TET1: variants seen among roughly 807,000 people sequenced by gnomAD.
TET1 encodes methylcytosine dioxygenase TET1.
Under a neutral mutation model 148.7 loss-of-function variants are expected in TET1, and 13 were observed. The ratio of observed to expected loss-of-function variants is 0.09; its 90% confidence interval spans 0.06 to 0.14. The LOEUF (loss-of-function observed/expected upper bound fraction) is 0.14. TET1 is among the 10% of genes least tolerant of loss of function. The probability of loss-of-function intolerance (pLI) is 1.00; values close to 1 mark genes in which losing one functional copy is unlikely to be tolerated. For synonymous variants in TET1, 907 were observed against 937.2 expected (o/e 0.97, Z 0.59); for missense variants, 2,182 against 2,553.8 (o/e 0.85, Z 3.14).
intron 1 of TET1, among the ~76,000 whole-genome samples, chr10:68,568,301 C>T (rs1342267568): frequency 2.1e-5 from 3 of 145,928 alleles, no homozygotes; most frequent in Non-Finnish European, 4.5e-5. Context: ...TGGCTCCCTG[C>T]AACCTCCACC....
intron 6 of TET1, among the ~76,000 whole-genome samples, chr10:68,661,897 G>A (rs1249583556): frequency 6.2e-4 from 39 of 62,536 alleles, no homozygotes; most frequent in African/African-American, 3.1e-3. Context: ...TTTTTTTTTT[G>A]TGAGATGGAG....
At chr10:68,571,385 T>C (rs10823228) in intron 1 of TET1, among the ~76,000 whole-genome samples, 74,618 of 150,720 alleles carry the variant, frequency 0.5, 19,066 homozygotes, top group Middle Eastern at 0.57. Flanking sequence ...CTCACCGCAA[T>C]CTCCGCCTCC....
Position 68,688,963 on chromosome 10 carries a change from A to G in TET1, c.5405-1845A>G, listed in dbSNP as rs546321482. 1.2e-3 allele frequency among the ~76,000 whole-genome samples: 176 copies of G among 152,356 alleles called. No individual in the cohort carries two copies. In the South Asian group the frequency reaches 0.021, roughly 18 times the overall value. On this transcript the variant is annotated intron_variant, in intron 11 of 11. Coordinates refer to ENST00000373644, the MANE Select transcript of TET1 (RefSeq NM_030625.3). ...ATAACATGAGCAGAGTTGGCAGTGC[A>G]GGCATTTATATAATGCTGAAAGAAA...
chr10:68,622,235 T>TTCCC (rs1297533173), intron 3 of TET1, among the ~76,000 whole-genome samples: 1 of 104,654 alleles, frequency 9.6e-6, no homozygotes, highest in African/African-American at 4.1e-5. Context: ...CCTTCCTCCC[T>TTCCC]TCCCTCCCTC....
chr10:68,686,332 ATTTCATGTT>A lies in TET1; in HGVS notation c.5053-19_5053-11del. 1 of 1,555,680 alleles carries A rather than the reference ATTTCATGTT, an allele frequency of 6.4e-7. No individual in the cohort carries two copies. Among genetic ancestry groups the A allele is most frequent in the Non-Finnish European group, 8.7e-7 (1 of 1,148,744 alleles). On this transcript the variant is annotated splice_polypyrimidine_tract_variant and intron_variant, in intron 10 of 11. Coordinates refer to ENST00000373644, the MANE Select transcript of TET1 (RefSeq NM_030625.3). ...TGTGCACGACCCGTATATCTTTCCCATTTCATGTTTTTCTCCCTATCAGGTTTGTACCTT... is the reference window on the plus strand; with the variant it reads ...TGTGCACGACCCGTATATCTTTCCCATTTCTCCCTATCAGGTTTGTACCTT...
intron 8 of TET1, among the ~76,000 whole-genome samples, chr10:68,678,050 C>T (rs1339502779): frequency 6.6e-6 from 1 of 152,212 alleles, no homozygotes; most frequent in Non-Finnish European, 1.5e-5. Context: ...CGTGAGCCAC[C>T]ACGCCCAGCC....
chr10:68,630,300 A>T (rs958213045), intron 3 of TET1, among the ~76,000 whole-genome samples: 1 of 152,132 alleles, frequency 6.6e-6, no homozygotes, highest in Non-Finnish European at 1.5e-5. Flanking sequence ...ACTTTTAGAC[A>T]TGGTTGAGTT....
intron 3 of TET1, among the ~76,000 whole-genome samples, chr10:68,620,895 C>T (rs1283582104): frequency 6.6e-6 from 1 of 152,156 alleles, no homozygotes; most frequent in Non-Finnish European, 1.5e-5. Context: ...TCTTGAATAG[C>T]TAATGGTATT....
At chr10:68,574,336 G>T in intron 2 of TET1, 84 bp downstream of exon 2, 2 of 1,064,386 alleles carry the variant, frequency 1.9e-6, no homozygotes, top group South Asian at 3.2e-5. Context: ...TGTCTCTAGT[G>T]TCTCTATGTA....
intron 4 of TET1, among the ~76,000 whole-genome samples, chr10:68,651,342 T>G (rs1415643993): frequency 6.6e-6 from 1 of 151,916 alleles, no homozygotes; most frequent in African/African-American, 2.4e-5. Flanking sequence ...TAGTCCCAGC[T>G]ACTTGGGAGG....
At chr10:68,676,254 ATATATATATATATATTTTTTTT>A (rs1564506184) in intron 8 of TET1, among the ~76,000 whole-genome samples, 1 of 36,816 alleles carries the variant, frequency 2.7e-5, no homozygotes, top group African/African-American at 1.3e-4. Flanking sequence ...ATATATATAT[ATATATATATATATATTTTTTTT>A]TTTTTTTTTT....
intron 2 of TET1, among the ~76,000 whole-genome samples, chr10:68,595,599 A>G (rs1394786674): frequency 7.5e-6 from 1 of 133,150 alleles, no homozygotes; most frequent in African/African-American, 2.6e-5. Context: ...CAACACACAC[A>G]CACACACAGC....
chr10:68,623,876 A>C (rs548414375), intron 3 of TET1, among the ~76,000 whole-genome samples: 1 of 152,276 alleles, frequency 6.6e-6, no homozygotes, highest in African/African-American at 2.4e-5. Context: ...GTTGTTTTCT[A>C]GTAACAGCTA....
chr10:68,595,955 TATATATAC>T lies in TET1; in HGVS notation c.1915-5024_1915-5017del, dbSNP rs1245659833. Among the ~76,000 whole-genome samples the T allele has an allele frequency of 3.5e-3, 117 of 33,438 alleles. 1 individual carries two copies. Among genetic ancestry groups the T allele is most frequent in the East Asian group, 0.016 (16 of 974 alleles). The allele number at this position is 33,438 out of a possible 152,430, so 21.9% of individuals were successfully genotyped here. A position where few individuals can be genotyped will look rare whatever the true frequency, so the allele number is the denominator to read the frequency against. ...ATATATATATATATATATATATATA[TATATATAC>T]ACACACACACACACATATATACACA... On this transcript the variant is annotated intron_variant, in intron 2 of 11. Transcript: ENST00000373644.
intron 3 of TET1, among the ~76,000 whole-genome samples, chr10:68,634,852 C>G (rs1212062828): frequency 1.3e-5 from 2 of 152,084 alleles, no homozygotes; most frequent in Non-Finnish European, 2.9e-5. Flanking sequence ...TCCTCCGCCT[C>G]CCAGGTTCAA....
intron 1 of TET1, among the ~76,000 whole-genome samples, chr10:68,561,544 G>T (rs2053553138): frequency 6.6e-6 from 1 of 152,164 alleles, no homozygotes; most frequent in Non-Finnish European, 1.5e-5. Flanking sequence ...TCCCGGAGCG[G>T]GCCCCGAGGG....
At chr10:68,641,519 AT>A (rs1422685139) in intron 3 of TET1, among the ~76,000 whole-genome samples, 105 of 136,760 alleles carry the variant, frequency 7.7e-4, no homozygotes, top group African/African-American at 2.6e-3. Flanking sequence ...TTATTTGTTT[AT>A]TTTTTTTTAA....
At chr10:68,681,954 C>T (rs1429688254) in intron 9 of TET1, among the ~76,000 whole-genome samples, 10 of 105,632 alleles carry the variant, frequency 9.5e-5, no homozygotes, top group African/African-American at 3.4e-4. Flanking sequence ...GGTGACAGAG[C>T]AAGACTCTGT....
At chr10:68,647,867 C>G (rs1394623592) in intron 4 of TET1, among the ~76,000 whole-genome samples, 1 of 152,148 alleles carries the variant, frequency 6.6e-6, no homozygotes, top group African/African-American at 2.4e-5. Context: ...AGTACAAGAT[C>G]TAATACTGTC....
Sources: allele counts gnomAD v4.1 joint callset (sites outside exome capture counted in the v4.1 genomes callset), GRCh38; gene constraint gnomAD v4.1.1; transcripts MANE v1.5; gene names NCBI Gene and HGNC (gene_info 2026-07-23, HGNC 2026-07-21).